SMIM20: variants seen among roughly 807,000 people sequenced by gnomAD.
SMIM20 encodes the protein small integral membrane protein 20, also known as mitochondrial translation regulation assembly intermediate of cytochrome c oxidase protein of 7 kDa.
A neutral mutation model predicts 8.7 loss-of-function variants in SMIM20; 3 were observed. That is an observed-to-expected ratio of 0.34 (90% CI 0.16 to 0.89). The LOEUF is 0.89. Among genes scored for constraint, SMIM20 ranks in the 40% least tolerant of loss-of-function variants. SMIM20 has a pLI of 0.49. For synonymous variants in SMIM20, 44 were observed against 33.6 expected (o/e 1.31, Z -1.07); for missense variants, 85 against 84.8 (o/e 1.00, Z -0.01).
At chr4:25,925,838 CT>C (rs1182239759) in intron 1 of SMIM20, among the ~76,000 whole-genome samples, 5 of 152,324 alleles carry the variant, frequency 3.3e-5, no homozygotes, top group African/African-American at 1.2e-4. Context: ...TAGGTAGATT[CT>C]TTTACTATCG....
At position 25,928,313 on chromosome 4, in the gene SMIM20, A is replaced by C; in HGVS notation, c.110A>C (p.Lys37Thr). The change falls in exon 2 of 3, where the codon AAG becomes ACG. Residue 37 changes from lysine to threonine, a missense_variant and splice_region_variant. Physicochemically the swap from Lys to Thr is moderately conservative, Grantham distance 78 (BLOSUM62 -1). Coordinates refer to ENST00000506197, the MANE Select transcript of SMIM20 (RefSeq NM_001145432.3). The part of the protein sequence containing the change: ...FRPLMRLEEY[K>T]KEQAINRAGI... ...ATGATTTTTCTCTTATGTTTCTCAG[A>C]GAAGGAACAAGCTATAAATCGGGCT... The C allele has an allele frequency of 6.5e-7, 1 of 1,549,438 alleles. No individual in the cohort carries two copies. Among genetic ancestry groups the C allele is most frequent in the Non-Finnish European group, 8.7e-7 (1 of 1,146,196 alleles).
chr4:25,929,704 T>C lies in SMIM20; in HGVS notation c.*513T>C, dbSNP rs1170129178. On this transcript the variant is annotated 3_prime_UTR_variant, in exon 3 of 3. Coordinates refer to ENST00000506197, the MANE Select transcript of SMIM20 (RefSeq NM_001145432.3). ...GCACCTCATGCTGAAGATTGCACCG[T>C]GTTGGAAAATAAATATGAAGCAAGT... 1 of 152,446 alleles carries C rather than the reference T, an allele frequency of 6.6e-6. No individual in the cohort carries two copies. Among genetic ancestry groups the C allele is most frequent in the African/African-American group, 2.4e-5 (1 of 41,466 alleles). The allele number at this position is 152,446 out of a possible 1,614,324, so 9.4% of individuals were successfully genotyped here.
Position 25,914,356 on chromosome 4 carries a change from A to G in SMIM20, c.43A>G (p.Ile15Val), listed in dbSNP as rs1351932775. 1.3e-6 allele frequency: 2 copies of G among 1,550,014 alleles called. No individual in the cohort carries two copies. The highest frequency in any genetic ancestry group is 1.7e-6 in the Non-Finnish European group (2 of 1,146,056). Residue 15 changes from isoleucine to valine, a missense_variant, in exon 1 of 3, where the codon ATC becomes GTC. Coordinates refer to ENST00000506197, the MANE Select transcript of SMIM20 (RefSeq NM_001145432.3). ...CACCGCGCTCATTTTCGGCGGCTTC[A>G]TCTCCCTGATCGGCGCCGCCTTCTA... ...LRTALIFGGF[I>V]SLIGAAFYPI... is the part of the protein sequence containing the mutation.
At chr4:25,914,756 A>C (rs773676059) in intron 1 of SMIM20, among the ~76,000 whole-genome samples, 1 of 152,212 alleles carries the variant, frequency 6.6e-6, no homozygotes, top group Non-Finnish European at 1.5e-5. Flanking sequence ...CTGAATGCCT[A>C]TTACACGTCA....
At chr4:25,915,935 T>C (rs1013762128) in intron 1 of SMIM20, among the ~76,000 whole-genome samples, 11 of 150,234 alleles carry the variant, frequency 7.3e-5, no homozygotes, top group Non-Finnish European at 1.3e-4. Context: ...TTGCAGTGCA[T>C]ACAAGACAGA....
chr4:25,919,455 C>A (rs983621949), intron 1 of SMIM20, among the ~76,000 whole-genome samples: 28 of 151,990 alleles, frequency 1.8e-4, no homozygotes, highest in Non-Finnish European at 4.1e-4. Flanking sequence ...TCTCCTGCCT[C>A]AGCCTCTCAA....
chr4:25,921,770 G>T (rs1291843034), intron 1 of SMIM20, among the ~76,000 whole-genome samples: 2 of 152,148 alleles, frequency 1.3e-5, no homozygotes, highest in East Asian at 3.9e-4. Flanking sequence ...CCGGGGCAGT[G>T]TGCTGGGGAA....
At chr4:25,917,536 G>A (rs1472919542) in intron 1 of SMIM20, among the ~76,000 whole-genome samples, 1 of 152,210 alleles carries the variant, frequency 6.6e-6, no homozygotes, top group African/African-American at 2.4e-5. Context: ...GAAACCCACT[G>A]TGTGGTCGGA....
At chr4:25,915,378 A>G (rs1403494271) in intron 1 of SMIM20, among the ~76,000 whole-genome samples, 1 of 152,210 alleles carries the variant, frequency 6.6e-6, no homozygotes, top group Non-Finnish European at 1.5e-5. Context: ...AATCATCTTG[A>G]AGATGGAAGA....
intron 1 of SMIM20, among the ~76,000 whole-genome samples, chr4:25,915,402 C>T (rs1224316588): frequency 6.6e-6 from 1 of 152,192 alleles, no homozygotes. Context: ...CCAACCCTGT[C>T]CCTTGGGAAT....
intron 1 of SMIM20, among the ~76,000 whole-genome samples, chr4:25,914,893 C>G (rs759082332): frequency 5.9e-5 from 9 of 152,168 alleles, no homozygotes; most frequent in African/African-American, 9.7e-5. Flanking sequence ...CAAGGTCACA[C>G]AGCAAGTAAG....
chr4:25,915,118 C>G (rs1426840969), intron 1 of SMIM20, among the ~76,000 whole-genome samples: 2 of 152,180 alleles, frequency 1.3e-5, no homozygotes, highest in Non-Finnish European at 2.9e-5. Flanking sequence ...GTTTTCTCTT[C>G]TTTTTCCTCA....
Position 25,917,947 on chromosome 4 carries a change from T to C in SMIM20, c.109+3525T>C, listed in dbSNP as rs553067706. Among the ~76,000 whole-genome samples the C allele has an allele frequency of 1.3e-4, 13 of 101,192 alleles. No homozygotes were observed. The East Asian group carries it at 5.6e-3, about 44-fold the overall frequency. 66.4% of individuals were successfully genotyped at this position (101,192 alleles called of 152,430 possible). A position where few individuals can be genotyped will look rare whatever the true frequency, so the allele number is the denominator to read the frequency against. Reference sequence around the variant, plus strand: ...GGTACAGGTCAGTTTTTTTTTTTTGTTTTTTTTTTTTTTGAGACAGAGTCT... The same window carrying C: ...GGTACAGGTCAGTTTTTTTTTTTTGCTTTTTTTTTTTTTGAGACAGAGTCT... On this transcript the variant is annotated intron_variant, in intron 1 of 2. Coordinates refer to ENST00000506197, the MANE Select transcript of SMIM20 (RefSeq NM_001145432.3).
intron 1 of SMIM20, among the ~76,000 whole-genome samples, chr4:25,924,992 AT>A (rs1327180371): frequency 1.3e-5 from 2 of 152,216 alleles, no homozygotes; most frequent in African/African-American, 4.8e-5. Flanking sequence ...TCTTCAGTCT[AT>A]GTATATAAGA....
rs1019002949 is a variant in SMIM20 at position 25,914,372 on chromosome 4, C to T, written c.59C>T (p.Ala20Val). The change falls in exon 1 of 3, where the codon GCC (alanine) becomes GTC (valine). Residue 20 changes from alanine (A) to valine (V), a missense_variant. Coordinates refer to ENST00000506197, the MANE Select transcript of SMIM20 (RefSeq NM_001145432.3). ...GGCGGCTTCATCTCCCTGATCGGCGCCGCCTTCTATCCCATCTACTTCCGG... is the reference window on the plus strand; with the variant it reads ...GGCGGCTTCATCTCCCTGATCGGCGTCGCCTTCTATCCCATCTACTTCCGG... ...IFGGFISLIG[A>V]AFYPIYFRPL... 2.2e-5 allele frequency: 34 copies of T among 1,547,910 alleles called. No homozygotes were observed. Among genetic ancestry groups the T allele is most frequent in the Non-Finnish European group, 2.7e-5 (31 of 1,144,760 alleles).
intron 1 of SMIM20, among the ~76,000 whole-genome samples, chr4:25,921,014 A>C (rs1314775228): frequency 6.6e-6 from 1 of 152,170 alleles, no homozygotes; most frequent in Non-Finnish European, 1.5e-5. Context: ...CTCAGAATGT[A>C]CTCCCACAGA....
intron 1 of SMIM20, among the ~76,000 whole-genome samples, chr4:25,921,533 G>C (rs1314157763): frequency 6.6e-6 from 1 of 152,210 alleles, no homozygotes; most frequent in Admixed American, 6.5e-5. Flanking sequence ...GGGGTGAAAA[G>C]ACAAGTTAGT....
Position 25,914,390 on chromosome 4 carries a change from A to G in SMIM20, c.77A>G (p.Tyr26Cys). 3 of 1,534,998 alleles carry G rather than the reference A, an allele frequency of 2.0e-6. No homozygotes were observed. Among genetic ancestry groups the G allele is most frequent in the Non-Finnish European group, 8.8e-7 (1 of 1,136,956 alleles). ...SLIGAAFYPIYFRPLMRLEEY... is the reference protein window; with the variant it reads ...SLIGAAFYPICFRPLMRLEEY... Reference sequence around the variant, plus strand: ...ATCGGCGCCGCCTTCTATCCCATCTACTTCCGGCCCCTAATGAGATTGGAG... The same window carrying G: ...ATCGGCGCCGCCTTCTATCCCATCTGCTTCCGGCCCCTAATGAGATTGGAG... Residue 26 changes from tyrosine to cysteine, a missense_variant, in exon 1 of 3, where the codon TAC (tyrosine) becomes TGC (cysteine). By Grantham distance (194) the Tyr-to-Cys change is radical. Coordinates refer to ENST00000506197, the MANE Select transcript of SMIM20 (RefSeq NM_001145432.3).
chr4:25,918,401 T>C (rs1248525884), intron 1 of SMIM20, among the ~76,000 whole-genome samples: 1 of 152,224 alleles, frequency 6.6e-6, no homozygotes, highest in African/African-American at 2.4e-5. Flanking sequence ...GCATACAATC[T>C]AGAAAATTCT....
Sources: gnomAD v4.1 joint callset for allele counts (sites outside exome capture counted in the v4.1 genomes callset) on GRCh38, gnomAD v4.1.1 for gene constraint, MANE v1.5 for transcripts, NCBI Gene and HGNC (gene_info 2026-07-23, HGNC 2026-07-21) for gene names.